The following RGS6 variants were observed in gnomAD, a reference collection of about 807,000 sequenced individuals.
RGS6 encodes regulator of G protein signaling 6.
RGS6 carries 30 observed loss-of-function variants against 78.5 expected under a neutral mutation model. The observed-to-expected ratio is 0.38, with a 90% CI of 0.29 to 0.52. RGS6 has a LOEUF of 0.52. Among genes scored for constraint, RGS6 ranks in the 20% least tolerant of loss-of-function variants. The pLI is 0.85. For synonymous variants in RGS6, 206 were observed against 206.0 expected (o/e 1.00, Z 0.00); for missense variants, 495 against 609.7 (o/e 0.81, Z 1.98).
chr14:72,388,655 A>G (rs1176088935), intron 3 of RGS6, among the ~76,000 whole-genome samples: 1 of 151,936 alleles, frequency 6.6e-6, no homozygotes, highest in Non-Finnish European at 1.5e-5. Context: ...CTACCTGGCC[A>G]CTCACATGTG....
At chr14:72,415,089 C>T (rs769707270) in intron 3 of RGS6, among the ~76,000 whole-genome samples, 1 of 152,234 alleles carries the variant, frequency 6.6e-6, no homozygotes, top group Non-Finnish European at 1.5e-5. Context: ...ACATTTAAGT[C>T]TGCAGAGGTT....
Position 72,518,442 on chromosome 14 carries a change from G to C in RGS6, c.1183G>C (p.Gly395Arg). Residue 395 changes from glycine (G) to arginine (R), a missense_variant, in exon 15 of 18, where the codon GGG becomes CGG. Gly to Arg is a moderately radical substitution (Grantham distance 125). Coordinates refer to ENST00000553525, the MANE Select transcript of RGS6 (RefSeq NM_001204424.2). ...AATCTGGCAAGAGTTTCTGGCTCCA[G>C]GGGCTCCAAGTGCAATCAACCTGGA... is the stretch of plus-strand genomic sequence containing the variant. Reference protein sequence around the residue: ...EEIWQEFLAPGAPSAINLDSH... With the variant: ...EEIWQEFLAPRAPSAINLDSH... The C allele has an allele frequency of 6.2e-7, 1 of 1,614,236 alleles. No individual in the cohort carries two copies. Among genetic ancestry groups the C allele is most frequent in the South Asian group, 1.1e-5 (1 of 91,090 alleles).
chr14:72,305,696 C>T (rs887718303), intron 2 of RGS6, among the ~76,000 whole-genome samples: 5 of 152,220 alleles, frequency 3.3e-5, no homozygotes, highest in Admixed American at 2.6e-4. Context: ...TCCCTCTCTT[C>T]AGGCTTCTTT....
chr14:72,571,481 A>G (rs552767312), downstream of RGS6, among the ~76,000 whole-genome samples: 1 of 152,352 alleles, frequency 6.6e-6, no homozygotes, highest in South Asian at 2.1e-4. Flanking sequence ...AGACATATAG[A>G]TAGATGGAAA....
chr14:72,179,260 G>A (rs2097143792), intron 2 of RGS6, among the ~76,000 whole-genome samples: 1 of 152,176 alleles, frequency 6.6e-6, no homozygotes, highest in Non-Finnish European at 1.5e-5. Flanking sequence ...ATCTGCATAT[G>A]AGTGCCTGCC....
chr14:72,474,242 G>A (rs1247610784), intron 9 of RGS6, among the ~76,000 whole-genome samples: 2 of 151,896 alleles, frequency 1.3e-5, no homozygotes, highest in African/African-American at 4.8e-5. Flanking sequence ...ATAAATTATT[G>A]GTCTTCTTAA....
intron 2 of RGS6, among the ~76,000 whole-genome samples, chr14:72,108,840 T>C (rs1006789281): frequency 3.3e-5 from 5 of 152,104 alleles, no homozygotes; most frequent in Admixed American, 2.6e-4. Flanking sequence ...AAATTGTATG[T>C]TAGAATTGTG....
the RGS6 span, among the ~76,000 whole-genome samples, chr14:72,614,687 A>G: frequency 6.8e-6 from 1 of 147,624 alleles, no homozygotes. Flanking sequence ...AGAAAGAGGG[A>G]GCTGAATCAG....
chr14:72,269,825 C>G (rs1296733314), intron 2 of RGS6, among the ~76,000 whole-genome samples: 1 of 152,008 alleles, frequency 6.6e-6, no homozygotes, highest in Middle Eastern at 3.2e-3. Context: ...TTGGCCTTCC[C>G]AAAGTGCTGG....
intron 2 of RGS6, among the ~76,000 whole-genome samples, chr14:71,974,264 A>G (rs2093987467): frequency 6.6e-6 from 1 of 152,208 alleles, no homozygotes; most frequent in African/African-American, 2.4e-5. Flanking sequence ...TAATTGGAGG[A>G]TAGAAGGATT....
downstream of RGS6, among the ~76,000 whole-genome samples, chr14:72,570,052 G>A (rs189410395): frequency 6.6e-6 from 1 of 152,288 alleles, no homozygotes; most frequent in African/African-American, 2.4e-5. Flanking sequence ...TCATCTAATA[G>A]AAGCTACTTA....
intron 17 of RGS6, chr14:72,540,773 G>A (rs575624032): frequency 1.4e-4 from 142 of 985,362 alleles, no homozygotes; most frequent in Middle Eastern, 1.0e-3. Context: ...AGGTCCTACC[G>A]GCCTCCTCAG....
chr14:72,135,597 A>T (rs762863055), intron 2 of RGS6, among the ~76,000 whole-genome samples: 1 of 151,964 alleles, frequency 6.6e-6, no homozygotes, highest in Non-Finnish European at 1.5e-5. Context: ...ACAAAATTGT[A>T]TTCTGAGTAG....
intron 2 of RGS6, among the ~76,000 whole-genome samples, chr14:71,985,183 G>A (rs1011577216): frequency 1.3e-5 from 2 of 152,160 alleles, no homozygotes; most frequent in African/African-American, 2.4e-5. Flanking sequence ...GAGTGCAGTG[G>A]TGTGATCTCG....
At chr14:71,915,004 T>G in the RGS6 span, among the ~76,000 whole-genome samples, 1 of 151,684 alleles carries the variant, frequency 6.6e-6, no homozygotes, top group East Asian at 1.9e-4. Flanking sequence ...TCCCAGCACT[T>G]TGGGAGGCCG....
At chr14:72,447,696 T>C (rs577093043) in intron 3 of RGS6, among the ~76,000 whole-genome samples, 1 of 152,278 alleles carries the variant, frequency 6.6e-6, no homozygotes, top group South Asian at 2.1e-4. Flanking sequence ...GTCCCATTAT[T>C]ACTGTCCTGT....
chr14:72,306,237 A>G (rs1422863448), intron 2 of RGS6, among the ~76,000 whole-genome samples: 5 of 152,216 alleles, frequency 3.3e-5, no homozygotes, highest in Admixed American at 3.3e-4. Flanking sequence ...CTACTGCTCA[A>G]AAACAAAGAT....
intron 2 of RGS6, among the ~76,000 whole-genome samples, chr14:72,217,404 G>T (rs1461322938): frequency 6.6e-6 from 1 of 152,160 alleles, no homozygotes; most frequent in African/African-American, 2.4e-5. Flanking sequence ...TCACAGTGTG[G>T]TAAGAAGACC....
the RGS6 span, among the ~76,000 whole-genome samples, chr14:71,921,085 A>G: frequency 1.3e-5 from 2 of 152,236 alleles, no homozygotes; most frequent in Non-Finnish European, 2.9e-5. Context: ...AAAAATAGCC[A>G]ACTGGTATAT....
Sources: gnomAD v4.1 joint callset for allele counts (sites outside exome capture counted in the v4.1 genomes callset) on GRCh38, gnomAD v4.1.1 for gene constraint, MANE v1.5 for transcripts, NCBI Gene and HGNC (gene_info 2026-07-23, HGNC 2026-07-21) for gene names.